Variants in RTL4 observed in about 807,000 individuals in gnomAD.
RTL4 encodes retrotransposon Gag-like protein 4.
In RTL4, 4 loss-of-function variants were observed where a neutral mutation model predicts 5.3. The observed-to-expected ratio is 0.75, with a 90% CI of 0.37 to 1.72. The LOEUF is 1.72. Among genes scored for constraint, RTL4 ranks in the 40% most tolerant of loss-of-function variants. The probability of loss-of-function intolerance (pLI) is 0.04; values close to 1 mark genes in which losing one functional copy is unlikely to be tolerated. For synonymous variants in RTL4, 98 were observed against 87.3 expected, an observed-to-expected ratio of 1.12 and a Z score of -0.68; for missense variants, 260 against 227.1, an observed-to-expected ratio of 1.14 and a Z score of -0.93.
chrX:112,228,629 C>T, the RTL4 span, among the ~76,000 whole-genome samples: 2 of 111,510 alleles, frequency 1.8e-5, no homozygotes, highest in African/African-American at 3.3e-5. Flanking sequence ...CATTAGATCC[C>T]CAGAACTTAT....
the RTL4 span, among the ~76,000 whole-genome samples, chrX:112,093,786 G>C: frequency 8.9e-6 from 1 of 112,357 alleles, no homozygotes; most frequent in Non-Finnish European, 1.9e-5. Context: ...TAGCCAGGTA[G>C]AGAGGATTTG....
the RTL4 span, among the ~76,000 whole-genome samples, chrX:112,189,319 A>C: frequency 8.9e-6 from 1 of 112,040 alleles, no homozygotes; most frequent in Non-Finnish European, 1.9e-5. Flanking sequence ...AAATTCCTAA[A>C]AAGAATATTT....
chrX:112,320,408 C>T, the RTL4 span: 1 of 110,465 alleles, frequency 9.1e-6, no homozygotes, highest in Non-Finnish European at 1.9e-5. Flanking sequence ...ACTTGTTTCT[C>T]GGTGAACATA....
the RTL4 span, among the ~76,000 whole-genome samples, chrX:112,110,242 C>A: frequency 8.9e-6 from 1 of 112,404 alleles, no homozygotes; most frequent in Non-Finnish European, 1.9e-5. Context: ...GTCCTCCTTT[C>A]TCAGCAGTGA....
chrX:112,137,639 A>G, the RTL4 span, among the ~76,000 whole-genome samples: 1 of 111,670 alleles, frequency 9.0e-6, no homozygotes, highest in Non-Finnish European at 1.9e-5. Flanking sequence ...ACATGTGGGG[A>G]TTACAGGTCC....
At chrX:112,092,616 T>G in the RTL4 span, among the ~76,000 whole-genome samples, 1 of 111,689 alleles carries the variant, frequency 9.0e-6, no homozygotes, top group Non-Finnish European at 1.9e-5. Context: ...TTTGTGTCCC[T>G]ACCCAGATCT....
the RTL4 span, among the ~76,000 whole-genome samples, chrX:112,169,178 G>A: frequency 8.5e-5 from 9 of 105,378 alleles, no homozygotes; most frequent in African/African-American, 2.4e-4. Context: ...GCAATGGTGC[G>A]TTCTCGGCTC....
chrX:112,252,583 C>G, the RTL4 span, among the ~76,000 whole-genome samples: 2 of 110,880 alleles, frequency 1.8e-5, no homozygotes, highest in African/African-American at 6.6e-5. Context: ...GCTCTGTGCT[C>G]CACCTACTCT....
At chrX:112,158,616 T>A in the RTL4 span, among the ~76,000 whole-genome samples, 4 of 111,143 alleles carry the variant, frequency 3.6e-5, no homozygotes, top group Non-Finnish European at 7.5e-5. Context: ...TGATATATGA[T>A]GTCCACATTT....
the RTL4 span, among the ~76,000 whole-genome samples, chrX:112,252,798 A>G: frequency 2.7e-5 from 3 of 111,238 alleles, no homozygotes; most frequent in Admixed American, 2.9e-4. Flanking sequence ...GCTGAAAAAC[A>G]TAGAACCACA....
At chrX:112,179,092 G>A in the RTL4 span, among the ~76,000 whole-genome samples, 1 of 111,800 alleles carries the variant, frequency 8.9e-6, no homozygotes, top group Non-Finnish European at 1.9e-5. Flanking sequence ...GGGCCAGACA[G>A]AGTCACATTA....
At chrX:112,178,111 A>G in the RTL4 span, among the ~76,000 whole-genome samples, 1 of 111,403 alleles carries the variant, frequency 9.0e-6, no homozygotes, top group Non-Finnish European at 1.9e-5. Context: ...GTCATTCTTA[A>G]TAGCGCTGAA....
the RTL4 span, among the ~76,000 whole-genome samples, chrX:112,447,249 C>CAA: frequency 8.9e-6 from 1 of 111,866 alleles, no homozygotes; most frequent in Non-Finnish European, 1.9e-5. Context: ...GAGCTACTGA[C>CAA]AAAGATGTTT....
At chrX:112,086,235 C>T in the RTL4 span, among the ~76,000 whole-genome samples, 7 of 112,146 alleles carry the variant, frequency 6.2e-5, no homozygotes, top group Non-Finnish European at 1.1e-4. Flanking sequence ...GACTTCTCAG[C>T]GTGTGGCATT....
chrX:112,279,127 A>C, the RTL4 span, among the ~76,000 whole-genome samples: 1 of 110,913 alleles, frequency 9.0e-6, no homozygotes, highest in African/African-American at 3.3e-5. Context: ...ATTTAAAGAG[A>C]GAGAACAGAG....
At chrX:112,323,535 A>C in the RTL4 span, among the ~76,000 whole-genome samples, 17 of 110,152 alleles carry the variant, frequency 1.5e-4, 1 homozygote, top group East Asian at 2.5e-3. Context: ...TCTGTTTCCC[A>C]GGCTGGAGTG....
chrX:112,104,676 G>C, the RTL4 span, among the ~76,000 whole-genome samples: 1 of 111,624 alleles, frequency 9.0e-6, no homozygotes, highest in African/African-American at 3.3e-5. Context: ...TCATGTACTT[G>C]TTGGCCATTT....
chrX:112,438,514 C>T, the RTL4 span, among the ~76,000 whole-genome samples: 34 of 112,825 alleles, frequency 3.0e-4, no homozygotes, highest in Non-Finnish European at 3.4e-4. Context: ...TTCCTGAAAT[C>T]TGCTTTTCCT....
chrX:112,359,849 A>G, the RTL4 span, among the ~76,000 whole-genome samples: 1 of 111,003 alleles, frequency 9.0e-6, no homozygotes, highest in Non-Finnish European at 1.9e-5. Flanking sequence ...TGTAGGCAAT[A>G]TATGCTCCTG....
Sources: allele counts gnomAD v4.1 joint callset (sites outside exome capture counted in the v4.1 genomes callset), GRCh38; gene constraint gnomAD v4.1.1; transcripts MANE v1.5; gene names NCBI Gene and HGNC (gene_info 2026-07-23, HGNC 2026-07-21).